Variants in CD109 observed in about 807,000 individuals in gnomAD.
The protein encoded by CD109 is CD109 antigen.
CD109 carries 149 observed loss-of-function variants against 165.8 expected under a neutral mutation model. The observed-to-expected ratio is 0.90, with a 90% CI of 0.79 to 1.03. CD109 has a LOEUF of 1.03. Ranked by LOEUF, CD109 falls within the 50% of genes least tolerant of loss-of-function variation. CD109 has a pLI of 0.00. For missense variants in CD109, 1,712 were observed against 1,677.8 expected (o/e 1.02, Z -0.36); for synonymous variants, 585 against 592.1 (o/e 0.99, Z 0.18).
chr6:73,815,065 G>C lies in CD109; in HGVS notation c.3853G>C (p.Val1285Leu). ...AAATCAAGAAGCCTTTGATTTAGAT[G>C]TTGCTGTAAAAGAAAATAAAGATGA... is the stretch of plus-strand genomic sequence containing the variant. ...IQNQEAFDLD[V>L]AVKENKDDLN... The change falls in exon 30 of 33, where the codon GTT becomes CTT. Residue 1285 changes from valine (V) to leucine (L), a missense_variant. Physicochemically the swap from Val to Leu is conservative, Grantham distance 32. Coordinates refer to ENST00000287097, the MANE Select transcript of CD109 (RefSeq NM_133493.5). The C allele has an allele frequency of 6.3e-7, 1 of 1,590,010 alleles. No homozygotes were observed. Among genetic ancestry groups the C allele is most frequent in the Non-Finnish European group, 8.5e-7 (1 of 1,171,688 alleles).
At chr6:73,787,089 G>A in intron 20 of CD109, 145 bp from the exon 21 acceptor site, 1 of 599,204 alleles carries the variant, frequency 1.7e-6, no homozygotes, top group Non-Finnish European at 2.9e-6. Context: ...GATACTCTTT[G>A]ATACTCTCCT....
In CD109 at chr6:73,783,842, T is replaced by G; in HGVS notation, c.2223+18T>G. 7.3e-7 allele frequency: 1 copy of G among 1,374,870 alleles called. No homozygotes were observed. Among genetic ancestry groups the G allele is most frequent in the Non-Finnish European group, 1.0e-6 (1 of 971,640 alleles). 85.2% of individuals were successfully genotyped at this position (1,374,870 alleles called of 1,614,324 possible). A position where few individuals can be genotyped will look rare whatever the true frequency, so the allele number is the denominator to read the frequency against. ...CAGTGGAGGTATTGTATTAAAGAGC[T>G]GCTTATCAGTATTACGGTGACATTA... On this transcript the variant is annotated intron_variant, in intron 19 of 32. Transcript: ENST00000287097.
chr6:73,800,724 T>C (rs1775332177), intron 23 of CD109, among the ~76,000 whole-genome samples: 1 of 152,240 alleles, frequency 6.6e-6, no homozygotes, highest in Admixed American at 6.5e-5. Context: ...TTTTGTCTTT[T>C]GTGACTTATC....
chr6:73,810,444 T>C (rs1467500634), intron 27 of CD109, among the ~76,000 whole-genome samples: 3 of 151,874 alleles, frequency 2.0e-5, no homozygotes, highest in African/African-American at 4.8e-5. Context: ...GATATTTATA[T>C]GGAATAAATC....
chr6:73,817,760 G>A (rs956807154), intron 30 of CD109, among the ~76,000 whole-genome samples: 5 of 152,022 alleles, frequency 3.3e-5, no homozygotes, highest in Non-Finnish European at 5.9e-5. Context: ...CTCACATCAC[G>A]TACAACAGGG....
chr6:73,770,397 G>A (rs1030151669), intron 14 of CD109, among the ~76,000 whole-genome samples: 2 of 152,222 alleles, frequency 1.3e-5, no homozygotes, highest in Non-Finnish European at 2.9e-5. Context: ...TCTTTGTCAG[G>A]CATTATAATC....
chr6:73,726,417 T>C (rs1202406540), intron 3 of CD109, among the ~76,000 whole-genome samples: 1 of 152,240 alleles, frequency 6.6e-6, no homozygotes, highest in Non-Finnish European at 1.5e-5. Context: ...ATTAGAAATG[T>C]TTTTAATGTG....
chr6:73,681,592 G>T, the CD109 span, among the ~76,000 whole-genome samples: 1 of 151,806 alleles, frequency 6.6e-6, no homozygotes, highest in African/African-American at 2.4e-5. Context: ...AGCTTGTGTA[G>T]GGAAACTTCC....
intron 17 of CD109, 96 bp from the exon 18 acceptor site, chr6:73,782,518 A>G: frequency 8.4e-7 from 1 of 1,191,798 alleles, no homozygotes; most frequent in Non-Finnish European, 1.2e-6. Context: ...ATGTCTCTGG[A>G]CACCTCAAGT....
intron 5 of CD109, among the ~76,000 whole-genome samples, chr6:73,742,511 A>G (rs2150196020): frequency 6.6e-6 from 1 of 152,356 alleles, no homozygotes. Context: ...GGCTTCTGGG[A>G]GCCAGGAGGC....
chr6:73,780,317 T>G (rs1774435483), intron 15 of CD109, 107 bp from the exon 16 acceptor site: 1 of 769,870 alleles, frequency 1.3e-6, no homozygotes, highest in African/African-American at 1.7e-5. Flanking sequence ...TTTGTGTCAT[T>G]TTCAAAGTTG....
chr6:73,741,093 A>G (rs1772765005), intron 5 of CD109, among the ~76,000 whole-genome samples: 1 of 151,674 alleles, frequency 6.6e-6, no homozygotes, highest in Non-Finnish European at 1.5e-5. Context: ...CTCAATATAT[A>G]CATAGACTTT....
chr6:73,761,333 A>C (rs1773624158), intron 7 of CD109, among the ~76,000 whole-genome samples: 1 of 152,142 alleles, frequency 6.6e-6, no homozygotes, highest in Non-Finnish European at 1.5e-5. Flanking sequence ...TAGGAGTGAA[A>C]GATTTATGTA....
chr6:73,736,262 GT>G (rs1236977142), intron 4 of CD109, 120 bp from the exon 5 acceptor site: 2 of 974,388 alleles, frequency 2.1e-6, no homozygotes, highest in Admixed American at 5.1e-5. Context: ...TATTTGTGCC[GT>G]ATTTTGGAGT....
intron 25 of CD109, 78 bp from the exon 26 acceptor site, chr6:73,808,005 G>A: frequency 7.6e-7 from 1 of 1,320,122 alleles, no homozygotes; most frequent in Non-Finnish European, 1.0e-6. Context: ...TTAAATGCAT[G>A]TTTCAAAGTA....
At chr6:73,757,671 C>T (rs1450019418) in intron 6 of CD109, among the ~76,000 whole-genome samples, 2 of 151,590 alleles carry the variant, frequency 1.3e-5, no homozygotes, top group Admixed American at 1.3e-4. Flanking sequence ...AGACTTAGTA[C>T]AAGAAAAATG....
chr6:73,783,604 A>T lies in CD109; in HGVS notation c.2106-103A>T, dbSNP rs544616507. On this transcript the variant is annotated intron_variant, in intron 18 of 32. Transcript: ENST00000287097. ...TAAATTCAGATATGTAAACAATAGG[A>T]AAAATTGAAATTCTTCCAAAAATAG... 2.5e-5 allele frequency: 18 copies of T among 720,076 alleles called. No homozygotes were observed. The East Asian group carries it at 4.2e-4, about 17-fold the overall frequency. The allele number at this position is 720,076 out of a possible 1,614,324, so 44.6% of individuals were successfully genotyped here.
chr6:73,736,674 T>C (rs1772557623), intron 5 of CD109, among the ~76,000 whole-genome samples, 166 bp downstream of exon 5: 1 of 152,250 alleles, frequency 6.6e-6, no homozygotes. Context: ...CAAGGGTTTA[T>C]TTAGCTTTCA....
chr6:73,724,215 C>T lies in CD109; in HGVS notation c.276+936C>T, dbSNP rs183657618. On this transcript the variant is annotated intron_variant, in intron 3 of 32. Transcript: ENST00000287097. ...CCTTAGACAAGTGCCTCACTCACCT[C>T]ACCATAGCCCTGGCCTTGGAAAAGA... Among the ~76,000 whole-genome samples the T allele has an allele frequency of 8.3e-4, 127 of 152,338 alleles. 1 individual carries two copies. The highest frequency in any genetic ancestry group is 6.6e-4 in the Non-Finnish European group (45 of 68,030).
Sources: allele counts gnomAD v4.1 joint callset (sites outside exome capture counted in the v4.1 genomes callset), GRCh38; gene constraint gnomAD v4.1.1; transcripts MANE v1.5; gene names NCBI Gene and HGNC (gene_info 2026-07-23, HGNC 2026-07-21).